The following MAP4 variants were observed in gnomAD, a reference collection of about 807,000 sequenced individuals.
MAP4 encodes the protein microtubule associated protein 4.
In MAP4, 76 loss-of-function variants were observed where a neutral mutation model predicts 170.2. The observed-to-expected ratio is 0.45, with a 90% CI of 0.37 to 0.54. MAP4 has a LOEUF of 0.54. Among genes scored for constraint, MAP4 ranks in the 20% least tolerant of loss-of-function variants. The pLI is 0.00. For synonymous variants in MAP4, 909 were observed against 994.5 expected, an observed-to-expected ratio of 0.91 and a Z score of 1.62; for missense variants, 2,506 against 2,748.0, an observed-to-expected ratio of 0.91 and a Z score of 1.97.
intron 10 of MAP4, among the ~76,000 whole-genome samples, chr3:47,894,987 C>T (rs1031279137): frequency 2.7e-5 from 4 of 149,958 alleles, no homozygotes; most frequent in African/African-American, 1.0e-4. Flanking sequence ...GATCACATCA[C>T]TGCACTCCAG....
intron 2 of MAP4, among the ~76,000 whole-genome samples, chr3:47,983,232 A>G (rs2100086452): frequency 6.6e-6 from 1 of 151,968 alleles, no homozygotes; most frequent in Non-Finnish European, 1.5e-5. Context: ...TTTAAGAGAG[A>G]GGGTTTTGCT....
At chr3:48,051,116 A>G (rs1320717490) in intron 1 of MAP4, among the ~76,000 whole-genome samples, 1 of 151,392 alleles carries the variant, frequency 6.6e-6, no homozygotes, top group Non-Finnish European at 1.5e-5. Flanking sequence ...ACACACACAC[A>G]CACACACACA....
chr3:48,050,184 C>T (rs532485752), intron 1 of MAP4, among the ~76,000 whole-genome samples: 114 of 150,628 alleles, frequency 7.6e-4, no homozygotes, highest in African/African-American at 2.5e-3. Context: ...CGCTTGAACC[C>T]GGGAGCCAGA....
intron 3 of MAP4, among the ~76,000 whole-genome samples, chr3:47,929,859 T>G (rs985100658): frequency 2.6e-5 from 4 of 152,184 alleles, no homozygotes; most frequent in African/African-American, 9.6e-5. Flanking sequence ...CCAGGCATGG[T>G]GGCTCATGCC....
chr3:47,995,753 A>C (rs2100095188), intron 2 of MAP4, among the ~76,000 whole-genome samples: 1 of 152,178 alleles, frequency 6.6e-6, no homozygotes, highest in Non-Finnish European at 1.5e-5. Context: ...AAAAAACTTG[A>C]ATTAATTGGA....
intron 1 of MAP4, among the ~76,000 whole-genome samples, chr3:48,040,089 A>G (rs2100120856): frequency 6.6e-6 from 1 of 152,174 alleles, no homozygotes; most frequent in Admixed American, 6.5e-5. Context: ...GGAATCTCTA[A>G]GGACTACAGC....
upstream of MAP4, among the ~76,000 whole-genome samples, chr3:48,019,459 CAT>C (rs1371198377): frequency 6.6e-6 from 1 of 152,142 alleles, no homozygotes; most frequent in Non-Finnish European, 1.5e-5. Context: ...GTTATCAGCT[CAT>C]ATATCTGTCA....
chr3:48,061,905 A>C (rs2100135769), intron 1 of MAP4, among the ~76,000 whole-genome samples: 1 of 93,132 alleles, frequency 1.1e-5, no homozygotes, highest in African/African-American at 4.3e-5. Context: ...CCCGGCCGCC[A>C]CCCCGTCCGG....
intron 1 of MAP4, among the ~76,000 whole-genome samples, chr3:48,043,621 C>G (rs763746873): frequency 1.3e-5 from 2 of 152,038 alleles, no homozygotes; most frequent in South Asian, 4.1e-4. Context: ...CAAAACTTGT[C>G]AAAGGAAACA....
In MAP4 at chr3:47,911,063, C is replaced by G; in HGVS notation, c.3358G>C (p.Gly1120Arg). The change falls in exon 9 of 21, where the codon GGG (glycine) becomes CGG (arginine). Residue 1120 changes from glycine to arginine, a missense_variant. Gly to Arg is a moderately radical substitution (Grantham distance 125, BLOSUM62 -2). Coordinates refer to ENST00000683076, the MANE Select transcript of MAP4 (RefSeq NM_001385682.1). The surrounding 1 kb of genome is among the most constrained non-coding windows in gnomAD (Gnocchi z 4.0). ...MTTQDKSEELGLNSSKQPGTK... is the reference protein window; with the variant it reads ...MTTQDKSEELRLNSSKQPGTK... ...CCTGGTTGCTTTGAAGAATTCAGCC[C>G]CAGCTCCTCACTCTTATCCTGAGTA... 1 of 1,536,128 alleles carries G rather than the reference C, an allele frequency of 6.5e-7. No homozygotes were observed.
Position 47,916,001 on chromosome 3 carries a change from G to C in MAP4, c.1826C>G (p.Ser609Cys). 1 of 1,614,168 alleles carries C rather than the reference G, an allele frequency of 6.2e-7. No individual in the cohort carries two copies. ...KGISEDSHLE[S>C]LQDVGQSAAP... Reference sequence around the variant, plus strand: ...AGCTGACTGCCCCACATCCTGCAGAGATTCTAAATGGGAATCCTCACTTAT... The same window carrying C: ...AGCTGACTGCCCCACATCCTGCAGACATTCTAAATGGGAATCCTCACTTAT... Residue 609 changes from serine to cysteine, a missense_variant, in exon 7 of 21, where the codon TCT (serine) becomes TGT (cysteine). Ser to Cys is a moderately radical substitution (Grantham distance 112). Around this residue, in one of 3 missense-constraint regions of MAP4, gnomAD observed 2,008 missense variants for 2,206.0 expected, o/e 0.91. Coordinates refer to ENST00000683076, the MANE Select transcript of MAP4 (RefSeq NM_001385682.1).
At chr3:47,883,861 G>T (rs1207031356) in intron 10 of MAP4, among the ~76,000 whole-genome samples, 4 of 151,162 alleles carry the variant, frequency 2.6e-5, no homozygotes, top group African/African-American at 9.7e-5. Flanking sequence ...CCATAAGGAA[G>T]GTTAAAAAAA....
chr3:48,081,207 G>A (rs1011902691), intron 1 of MAP4, among the ~76,000 whole-genome samples: 9 of 151,996 alleles, frequency 5.9e-5, no homozygotes, highest in African/African-American at 2.2e-4. Flanking sequence ...GGAGAATGGT[G>A]TGAACCCCGG....
intron 10 of MAP4, chr3:47,892,808 A>C (rs1052933399): frequency 8.7e-7 from 1 of 1,145,142 alleles, no homozygotes; most frequent in Non-Finnish European, 1.1e-6. Flanking sequence ...AATTTAAAAC[A>C]CAGTATGGTG....
Position 47,875,665 on chromosome 3 carries a change from GTAGT to G in MAP4, c.5757+16_5757+19del. ...GAGGGGAACAATTTTCCTCGGCACAGTAGTTAGGTGACCACTTACCTTTGGCTTC... is the reference window on the plus strand; with the variant it reads ...GAGGGGAACAATTTTCCTCGGCACAGTAGGTGACCACTTACCTTTGGCTTC... On this transcript the variant is annotated intron_variant, in intron 12 of 20. Coordinates refer to ENST00000683076, the MANE Select transcript of MAP4 (RefSeq NM_001385682.1). 4 of 1,603,254 alleles carry G rather than the reference GTAGT, an allele frequency of 2.5e-6. No homozygotes were observed. Among genetic ancestry groups the G allele is most frequent in the Non-Finnish European group, 1.7e-6 (2 of 1,174,052 alleles).
intron 5 of MAP4, among the ~76,000 whole-genome samples, chr3:47,921,281 GA>G (rs2100042709): frequency 1.3e-5 from 2 of 152,200 alleles, no homozygotes; most frequent in Admixed American, 6.6e-5. Flanking sequence ...GGTGATGTGT[GA>G]AAGGCCATGT....
intron 10 of MAP4, chr3:47,891,129 C>T (rs1397897960): frequency 6.5e-7 from 1 of 1,536,388 alleles, no homozygotes; most frequent in South Asian, 1.2e-5. Flanking sequence ...TGTTTCTCTC[C>T]TCGCTGGCAA....
chr3:48,056,699 G>A (rs1367919165), intron 1 of MAP4, among the ~76,000 whole-genome samples: 72 of 103,262 alleles, frequency 7.0e-4, no homozygotes, highest in African/African-American at 1.6e-3. Context: ...CAGCCGCCCC[G>A]TCTGGGAGGT....
At chr3:47,971,058 G>A (rs985560778) in intron 3 of MAP4, among the ~76,000 whole-genome samples, 10 of 152,172 alleles carry the variant, frequency 6.6e-5, no homozygotes, top group Admixed American at 6.5e-4. Context: ...CTTTTCTGAA[G>A]AGAAATTCTG....
Sources: gnomAD v4.1 joint callset for allele counts (sites outside exome capture counted in the v4.1 genomes callset) on GRCh38, gnomAD v4.1.1 for gene constraint, gnomAD v4.1.1 regional missense constraint, Gnocchi (gnomAD v3.1) non-coding constraint, MANE v1.5 for transcripts, NCBI Gene and HGNC (gene_info 2026-07-23, HGNC 2026-07-21) for gene names.